Variants in TSHZ2 observed in about 807,000 individuals in gnomAD.
The protein encoded by TSHZ2 is teashirt homolog 2.
A neutral mutation model predicts 74.4 loss-of-function variants in TSHZ2; 21 were observed. The observed-to-expected ratio is 0.28, with a 90% CI of 0.20 to 0.41. The LOEUF is 0.41. Ranked by LOEUF, TSHZ2 falls within the 10% of genes least tolerant of loss-of-function variation. The pLI, the probability that TSHZ2 is intolerant of heterozygous loss-of-function variation, is 1.00. For synonymous variants in TSHZ2, 540 were observed against 515.3 expected (o/e 1.05, Z -0.65); for missense variants, 1,244 against 1,293.5 (o/e 0.96, Z 0.59).
At chr20:53,310,133 C>T (rs935871532) in intron 2 of TSHZ2, among the ~76,000 whole-genome samples, 3 of 152,192 alleles carry the variant, frequency 2.0e-5, no homozygotes, top group African/African-American at 7.2e-5. Flanking sequence ...AGACAGGAGA[C>T]CTGACTAAAG....
chr20:53,018,352 C>T (rs1221945680), intron 1 of TSHZ2, among the ~76,000 whole-genome samples: 1 of 152,182 alleles, frequency 6.6e-6, no homozygotes, highest in African/African-American at 2.4e-5. Flanking sequence ...CAAACCATTA[C>T]CCGTTTTCAG....
At chr20:53,416,838 T>A (rs962588517) in intron 2 of TSHZ2, among the ~76,000 whole-genome samples, 7 of 152,226 alleles carry the variant, frequency 4.6e-5, no homozygotes, top group African/African-American at 1.7e-4. Context: ...TTGGATTGCA[T>A]CCCCAAATGT....
chr20:53,314,398 T>C (rs1978915133), intron 2 of TSHZ2, among the ~76,000 whole-genome samples: 1 of 152,168 alleles, frequency 6.6e-6, no homozygotes, highest in Non-Finnish European at 1.5e-5. Flanking sequence ...TTGTTATTTC[T>C]TTGATTTCTT....
intron 1 of TSHZ2, among the ~76,000 whole-genome samples, chr20:53,105,738 C>T (rs534176519): frequency 1.5e-4 from 23 of 152,252 alleles, no homozygotes; most frequent in African/African-American, 5.3e-4. Flanking sequence ...CTTCAACCTC[C>T]TGGGCTCAAG....
At chr20:53,088,889 A>T (rs1029089486) in intron 1 of TSHZ2, among the ~76,000 whole-genome samples, 1 of 152,102 alleles carries the variant, frequency 6.6e-6, no homozygotes, top group Non-Finnish European at 1.5e-5. Context: ...AAATGTTGCT[A>T]TTCAGCTTTC....
chr20:53,121,651 A>G (rs534775343), intron 1 of TSHZ2, among the ~76,000 whole-genome samples: 1 of 152,216 alleles, frequency 6.6e-6, no homozygotes, highest in Admixed American at 6.5e-5. Flanking sequence ...TCATTGAGAG[A>G]CAGTTATTTT....
At chr20:53,065,148 T>C (rs1296779565) in intron 1 of TSHZ2, among the ~76,000 whole-genome samples, 1 of 152,182 alleles carries the variant, frequency 6.6e-6, no homozygotes, top group South Asian at 2.1e-4. Flanking sequence ...CAACACACAA[T>C]ACCTACTTAA....
intron 1 of TSHZ2, among the ~76,000 whole-genome samples, chr20:53,228,996 G>A (rs1989755384): frequency 1.3e-5 from 2 of 152,150 alleles, no homozygotes. Flanking sequence ...CAGTTTTCTA[G>A]AATGATTTTG....
chr20:53,485,235 AT>A (rs1327309770), intron 2 of TSHZ2, among the ~76,000 whole-genome samples: 1 of 152,138 alleles, frequency 6.6e-6, no homozygotes, highest in Admixed American at 6.5e-5. Context: ...AGTGTTATGT[AT>A]TATTGAATAA....
chr20:53,078,034 T>A (rs188526249), intron 1 of TSHZ2, among the ~76,000 whole-genome samples: 16 of 152,356 alleles, frequency 1.1e-4, no homozygotes, highest in Admixed American at 3.3e-4. Context: ...ATTTACTGAA[T>A]GCGTAGGCAG....
intron 1 of TSHZ2, among the ~76,000 whole-genome samples, chr20:53,138,509 C>A (rs186748178): frequency 5.9e-5 from 9 of 152,270 alleles, no homozygotes; most frequent in Admixed American, 1.3e-4. Context: ...TTCTCTCACC[C>A]TTAGTCACAT....
intron 2 of TSHZ2, among the ~76,000 whole-genome samples, chr20:53,341,726 C>T (rs574231767): frequency 6.6e-6 from 1 of 151,938 alleles, no homozygotes; most frequent in Non-Finnish European, 1.5e-5. Context: ...GGGGTGCGGG[C>T]TGGGGGGACA....
rs186705196 is a variant in TSHZ2, at chr20:53,254,726, C to T, written c.1268C>T (p.Pro423Leu). The change falls in exon 2 of 3, where the codon CCG (proline) becomes CTG (leucine). Residue 423 changes from proline to leucine, a missense_variant. By Grantham distance (98) the Pro-to-Leu change is moderately conservative (BLOSUM62 -3). Transcript: ENST00000371497. ...AAAGGGAAGCAGCTGGTATTAGACC[C>T]GTTAGCAGTGGAGAAAATGCAGTCG... is the stretch of plus-strand genomic sequence containing the variant. ...SKKGKQLVLD[P>L]LAVEKMQSLS... 2.9e-4 allele frequency: 460 copies of T among 1,613,912 alleles called. 1 individual carries two copies. Among genetic ancestry groups the T allele is most frequent in the African/African-American group, 8.0e-5 (6 of 75,036 alleles).
At chr20:53,373,806 C>A (rs1005887742) in intron 2 of TSHZ2, among the ~76,000 whole-genome samples, 14 of 152,142 alleles carry the variant, frequency 9.2e-5, no homozygotes, top group African/African-American at 3.1e-4. Flanking sequence ...GAGTGGGCTT[C>A]AGATGGGGCC....
chr20:53,242,695 A>G (rs1990100834), intron 1 of TSHZ2, among the ~76,000 whole-genome samples: 1 of 152,222 alleles, frequency 6.6e-6, no homozygotes, highest in South Asian at 2.1e-4. Context: ...TGTTTAAAAG[A>G]TACCTTGTTG....
At chr20:53,459,536 T>C (rs1600657739) in intron 2 of TSHZ2, among the ~76,000 whole-genome samples, 1 of 144,898 alleles carries the variant, frequency 6.9e-6, no homozygotes, top group African/African-American at 2.6e-5. Context: ...GTCTTTTAAT[T>C]GGAGCATTTA....
intron 1 of TSHZ2, among the ~76,000 whole-genome samples, chr20:53,076,164 A>G (rs1985357871): frequency 6.6e-6 from 1 of 152,222 alleles, no homozygotes; most frequent in Non-Finnish European, 1.5e-5. Flanking sequence ...AGTTTACAAA[A>G]CTAATCACAG....
At chr20:53,180,074 T>C (rs1235261530) in intron 1 of TSHZ2, among the ~76,000 whole-genome samples, 3 of 152,234 alleles carry the variant, frequency 2.0e-5, no homozygotes, top group African/African-American at 4.8e-5. Flanking sequence ...TGGAAATGAT[T>C]GGAGGAGGTT....
intron 1 of TSHZ2, among the ~76,000 whole-genome samples, chr20:53,132,701 A>G (rs6097250): frequency 0.024 from 3,578 of 152,194 alleles, 168 homozygotes; most frequent in African/African-American, 0.083. Flanking sequence ...CAAGACCTGC[A>G]TCATCTTGCT....
Sources: allele counts gnomAD v4.1 joint callset (sites outside exome capture counted in the v4.1 genomes callset), GRCh38; gene constraint gnomAD v4.1.1; transcripts MANE v1.5; gene names NCBI Gene and HGNC (gene_info 2026-07-23, HGNC 2026-07-21).